Variants in EYS observed in about 807,000 individuals in gnomAD.
EYS encodes the protein EGF-like photoreceptor maintenance factor.
Under a neutral mutation model 282.1 loss-of-function variants are expected in EYS, and 250 were observed. The observed-to-expected ratio is 0.89, with a 90% confidence interval of 0.80 to 0.98. EYS has a LOEUF of 0.98. Ranked by LOEUF, EYS falls within the 50% of genes least tolerant of loss-of-function variation. The probability of loss-of-function intolerance (pLI) is 0.00; values close to 1 mark genes in which losing one functional copy is unlikely to be tolerated. For missense variants in EYS, 4,016 were observed against 3,709.0 expected (o/e 1.08, Z -2.15); for synonymous variants, 1,355 against 1,282.9 (o/e 1.06, Z -1.20).
chr6:65,163,811 A>G (rs1191500475), intron 12 of EYS, among the ~76,000 whole-genome samples: 1 of 151,296 alleles, frequency 6.6e-6, no homozygotes, highest in Non-Finnish European at 1.5e-5. Context: ...TTTTCATTGA[A>G]ACCCAGCCAG....
chr6:64,514,894 T>C (rs1373329388), intron 26 of EYS, among the ~76,000 whole-genome samples: 3 of 151,768 alleles, frequency 2.0e-5, no homozygotes, highest in Admixed American at 1.3e-4. Flanking sequence ...AGGGTGGAAA[T>C]TTTTATTCAC....
chr6:64,407,304 G>A (rs1290560239), intron 28 of EYS, among the ~76,000 whole-genome samples: 1 of 152,018 alleles, frequency 6.6e-6, no homozygotes, highest in Non-Finnish European at 1.5e-5. Context: ...GTCATGGGGT[G>A]GGGGGCTGGG....
intron 26 of EYS, among the ~76,000 whole-genome samples, chr6:64,462,994 G>A (rs1321182202): frequency 7.3e-6 from 1 of 137,082 alleles, no homozygotes; most frequent in Admixed American, 7.8e-5. Flanking sequence ...TGCCCAGGCT[G>A]GAGTGCAGTG....
Position 64,912,613 on chromosome 6 carries a change from G to A in EYS, c.2512C>T (p.Pro838Ser), listed in dbSNP as rs112495229. 96 of 1,551,006 alleles carry A rather than the reference G, an allele frequency of 6.2e-5. No individual in the cohort carries two copies. The African/African-American group carries it at 9.9e-4, about 16-fold the overall frequency. ...CAAAATTGTCCAGTATAAAGGGGTG[G>A]GCACAGACATACAAATTGTCCAGGG... Reference protein sequence around the residue: ...TIPGQFVCLCPPLYTGQFCHQ... With the variant: ...TIPGQFVCLCSPLYTGQFCHQ... The change falls in exon 16 of 43, where the codon CCA becomes TCA. Residue 838 changes from proline to serine, a missense_variant. Transcript: ENST00000503581.
chr6:64,547,889 G>A lies in EYS; in HGVS notation c.5644+42334C>T, dbSNP rs568567634. 2.1e-4 allele frequency among the ~76,000 whole-genome samples: 32 copies of A among 152,336 alleles called. 2 individuals are homozygous for A. Among genetic ancestry groups the A allele is most frequent in the African/African-American group, 6.7e-4 (28 of 41,586 alleles). ...CCCTGCAAGGAGGCAGCTAAGGCCC[G>A]GCAAGAAGTCCAGCACAGCAGCTGC... On this transcript the variant is annotated intron_variant, in intron 26 of 42. Coordinates refer to ENST00000503581, the MANE Select transcript of EYS (RefSeq NM_001142800.2).
chr6:64,599,635 A>T (rs1339197626), intron 24 of EYS, among the ~76,000 whole-genome samples: 1 of 152,164 alleles, frequency 6.6e-6, no homozygotes, highest in African/African-American at 2.4e-5. Context: ...CTTGAAGCAG[A>T]ATTATTAATA....
intron 13 of EYS, among the ~76,000 whole-genome samples, chr6:65,019,517 T>C (rs1249674852): frequency 2.0e-5 from 3 of 152,162 alleles, no homozygotes; most frequent in Non-Finnish European, 4.4e-5. Flanking sequence ...ATACCTAACA[T>C]AGAGATAATA....
At position 64,267,348 on chromosome 6, in the gene EYS, A is replaced by G. The variant is rs145776841; in HGVS notation, c.6192-36524T>C. ...CTGACATGGGCTCTGTGCCTCTTCTATTTGCTCTGTTATCTCTTTCCCTTC... is the reference window on the plus strand; with the variant it reads ...CTGACATGGGCTCTGTGCCTCTTCTGTTTGCTCTGTTATCTCTTTCCCTTC... On this transcript the variant is annotated intron_variant, in intron 30 of 42. Transcript: ENST00000503581. Among the ~76,000 whole-genome samples, 32 of 151,998 alleles carry G rather than the reference A, an allele frequency of 2.1e-4. No individual in the cohort carries two copies. The East Asian group carries it at 5.1e-3, about 24-fold the overall frequency.
At chr6:64,743,223 TAA>T (rs1194722464) in intron 22 of EYS, among the ~76,000 whole-genome samples, 2 of 152,090 alleles carry the variant, frequency 1.3e-5, no homozygotes, top group Middle Eastern at 3.2e-3. Context: ...TTTATAGAAA[TAA>T]GTCTATAATT....
Position 64,256,792 on chromosome 6 carries a change from T to C in EYS, c.6192-25968A>G, listed in dbSNP as rs187441661. On this transcript the variant is annotated intron_variant, in intron 30 of 42. Transcript: ENST00000503581. ...GGAACATGACCTACCATTTATGAGC[T>C]TAACAATAAATGTTTCTTTTGATGT... 2.0e-5 allele frequency among the ~76,000 whole-genome samples: 3 copies of C among 152,170 alleles called. No homozygotes were observed. In the East Asian group the frequency reaches 5.8e-4, roughly 29 times the overall value.
intron 35 of EYS, among the ~76,000 whole-genome samples, chr6:63,878,265 A>G (rs1251750660): frequency 1.3e-5 from 2 of 152,182 alleles, no homozygotes; most frequent in Non-Finnish European, 2.9e-5. Context: ...TTTCCTGGGT[A>G]TCACCAGTGG....
At chr6:64,741,267 C>G (rs77005698) in intron 22 of EYS, among the ~76,000 whole-genome samples, 7,147 of 152,110 alleles carry the variant, frequency 0.047, 231 homozygotes, top group East Asian at 0.18. Flanking sequence ...CCAGGCCCCT[C>G]GTCAATAATA....
rs191392480 is a variant in EYS at position 65,695,893 on chromosome 6, G to T, written c.-448+11242C>A. On this transcript the variant is annotated intron_variant, in intron 1 of 42. Coordinates refer to ENST00000503581, the MANE Select transcript of EYS (RefSeq NM_001142800.2). ...CACATACAGAAACATACATGGTTCT[G>T]TATTTATAGTGTTAAGAAATGACAA... Among the ~76,000 whole-genome samples the T allele has an allele frequency of 3.9e-5, 6 of 152,006 alleles. No homozygotes were observed. In the East Asian group the frequency reaches 1.2e-3, roughly 29 times the overall value.
chr6:64,113,868 G>T (rs942711734), intron 31 of EYS, among the ~76,000 whole-genome samples: 5 of 152,158 alleles, frequency 3.3e-5, no homozygotes, highest in African/African-American at 1.2e-4. Flanking sequence ...TACATCACGA[G>T]TTGGCAAGCA....
chr6:65,488,243 C>T (rs1001830893), intron 5 of EYS, among the ~76,000 whole-genome samples: 1 of 152,160 alleles, frequency 6.6e-6, no homozygotes, highest in East Asian at 1.9e-4. Context: ...TCTTGCTTCT[C>T]TAGTTCTTTT....
At chr6:64,425,279 G>GT (rs1424175197) in intron 28 of EYS, among the ~76,000 whole-genome samples, 1 of 152,036 alleles carries the variant, frequency 6.6e-6, no homozygotes, top group African/African-American at 2.4e-5. Context: ...GATGTAATAT[G>GT]TTTTTTTAAA....
At chr6:64,038,589 A>G (rs1205418093) in intron 33 of EYS, among the ~76,000 whole-genome samples, 2 of 151,982 alleles carry the variant, frequency 1.3e-5, no homozygotes, top group Non-Finnish European at 2.9e-5. Context: ...ATATATCCTA[A>G]TAGTTTATAA....
chr6:64,289,425 T>A (rs1474038922), intron 30 of EYS, among the ~76,000 whole-genome samples: 2 of 152,114 alleles, frequency 1.3e-5, no homozygotes, highest in African/African-American at 4.8e-5. Context: ...GCATACTCAA[T>A]GGATACGATA....
intron 35 of EYS, among the ~76,000 whole-genome samples, chr6:63,921,590 G>A (rs1425333238): frequency 2.6e-5 from 4 of 152,174 alleles, no homozygotes; most frequent in East Asian, 1.9e-4. Context: ...TTTGGGCCCC[G>A]GCATGTGCTG....
Sources: allele counts gnomAD v4.1 joint callset (sites outside exome capture counted in the v4.1 genomes callset), GRCh38; gene constraint gnomAD v4.1.1; transcripts MANE v1.5; gene names NCBI Gene and HGNC (gene_info 2026-07-23, HGNC 2026-07-21).